Variants in TRPC1 observed in about 807,000 individuals in gnomAD.
TRPC1 encodes transient receptor potential cation channel subfamily C member 1, also known as short transient receptor potential channel 1.
TRPC1 carries 42 observed loss-of-function variants against 88.2 expected under a neutral mutation model. The observed-to-expected ratio is 0.48, with a 90% CI of 0.37 to 0.62. The LOEUF is 0.62. Ranked by LOEUF, TRPC1 falls within the 20% of genes least tolerant of loss-of-function variation. The pLI, the probability that TRPC1 is intolerant of heterozygous loss-of-function variation, is 0.00. For missense variants in TRPC1, 699 were observed against 957.3 expected, an observed-to-expected ratio of 0.73 and a Z score of 3.56; for synonymous variants, 288 against 331.8, an observed-to-expected ratio of 0.87 and a Z score of 1.43.
intron 2 of TRPC1, among the ~76,000 whole-genome samples, chr3:142,739,784 G>A (rs1306545400): frequency 6.6e-6 from 1 of 152,152 alleles, no homozygotes; most frequent in African/African-American, 2.4e-5. Context: ...AATAGTTTTT[G>A]TAGTAATCTA....
At chr3:142,763,971 TATATATATATATACACATACATACATAC>T (rs1167804057) in intron 4 of TRPC1, among the ~76,000 whole-genome samples, 2 of 67,604 alleles carry the variant, frequency 3.0e-5, no homozygotes, top group African/African-American at 2.7e-4. Flanking sequence ...TATATATATA[TATATATATATATACACATACATACATAC>T]ATATATATAT....
rs1560113614 is a variant in TRPC1, at chr3:142,784,791, A to G, written c.1048A>G (p.Lys350Glu). ...TTACCGACGCAAGCCCACCTGTAAG[A>G]AGATAATGACTGTTTTGACAGTAGG... ...SGYRRKPTCK[K>E]IMTVLTVGIF... Residue 350 changes from lysine to glutamate, a missense_variant, in exon 7 of 13, where the codon AAG becomes GAG. Physicochemically the swap from Lys to Glu is moderately conservative, Grantham distance 56 (BLOSUM62 1). Around this residue, in one of 4 missense-constraint regions of TRPC1, gnomAD observed 426 missense variants for 641.3 expected, o/e 0.66. Coordinates refer to ENST00000476941, the MANE Select transcript of TRPC1 (RefSeq NM_001251845.2). The G allele has an allele frequency of 1.2e-6, 2 of 1,614,058 alleles. No individual in the cohort carries two copies. The highest frequency in any genetic ancestry group is 1.7e-6 in the Non-Finnish European group (2 of 1,180,016).
chr3:142,743,439 C>G, intron 2 of TRPC1, 46 bp from the exon 3 acceptor site: 2 of 1,326,732 alleles, frequency 1.5e-6, no homozygotes, highest in Non-Finnish European at 2.0e-6. Context: ...AAGTAGTTTA[C>G]CTTTTTATCT....
intron 4 of TRPC1, among the ~76,000 whole-genome samples, chr3:142,760,717 G>A (rs1282602467): frequency 6.6e-6 from 1 of 152,044 alleles, no homozygotes; most frequent in Non-Finnish European, 1.5e-5. Flanking sequence ...CGTGAGCATG[G>A]AATACCTTTC....
At chr3:142,772,988 CTT>C (rs996188770) in intron 4 of TRPC1, among the ~76,000 whole-genome samples, 1 of 152,104 alleles carries the variant, frequency 6.6e-6, no homozygotes, top group African/African-American at 2.4e-5. Context: ...ACATTTCCCT[CTT>C]TTATAAAGAC....
chr3:142,790,045 G>A (rs942259250), intron 7 of TRPC1, among the ~76,000 whole-genome samples: 2 of 152,060 alleles, frequency 1.3e-5, no homozygotes, highest in African/African-American at 2.4e-5. Flanking sequence ...AATTGGGAGT[G>A]GGGGACAATT....
chr3:142,766,136 TAGTA>T (rs965267030), intron 4 of TRPC1, among the ~76,000 whole-genome samples: 4 of 152,220 alleles, frequency 2.6e-5, no homozygotes, highest in African/African-American at 9.6e-5. Context: ...TATCGCTTTA[TAGTA>T]AGTTTTAAAA....
At chr3:142,772,742 G>A (rs749356423) in intron 4 of TRPC1, among the ~76,000 whole-genome samples, 3 of 152,144 alleles carry the variant, frequency 2.0e-5, no homozygotes, top group Non-Finnish European at 2.9e-5. Flanking sequence ...AGCTGAGATC[G>A]TGCCACTGTA....
chr3:142,744,871 C>T (rs1308279536), intron 3 of TRPC1, among the ~76,000 whole-genome samples: 5 of 151,832 alleles, frequency 3.3e-5, no homozygotes, highest in African/African-American at 7.3e-5. Context: ...GTGACGATAC[C>T]GTGAAACAAG....
intron 7 of TRPC1, among the ~76,000 whole-genome samples, chr3:142,786,371 T>A (rs1004579898): frequency 6.6e-6 from 1 of 152,170 alleles, no homozygotes; most frequent in Admixed American, 6.5e-5. Flanking sequence ...TATTTTAGAA[T>A]GTTTATTTGA....
intron 4 of TRPC1, among the ~76,000 whole-genome samples, chr3:142,765,649 A>G (rs534515409): frequency 6.6e-6 from 1 of 152,302 alleles, no homozygotes; most frequent in East Asian, 1.9e-4. Flanking sequence ...CCTACCTATC[A>G]CCATATAAAA....
At chr3:142,800,204 CCTT>C (rs1936576235) in intron 9 of TRPC1, among the ~76,000 whole-genome samples, 1 of 152,286 alleles carries the variant, frequency 6.6e-6, no homozygotes, top group East Asian at 1.9e-4. Flanking sequence ...CATTTCTTCT[CCTT>C]CTTACATATT....
At chr3:142,788,257 G>T (rs1268995199) in intron 7 of TRPC1, among the ~76,000 whole-genome samples, 1 of 152,112 alleles carries the variant, frequency 6.6e-6, no homozygotes, top group Non-Finnish European at 1.5e-5. Flanking sequence ...GACCAATATC[G>T]ATGCTGTTGC....
At chr3:142,734,116 G>A (rs1432529767) in intron 1 of TRPC1, among the ~76,000 whole-genome samples, 1 of 152,154 alleles carries the variant, frequency 6.6e-6, no homozygotes, top group Non-Finnish European at 1.5e-5. Flanking sequence ...GTTATTGTGG[G>A]CTCTGAATAA....
At chr3:142,744,732 T>G (rs1934480269) in intron 3 of TRPC1, among the ~76,000 whole-genome samples, 2 of 152,152 alleles carry the variant, frequency 1.3e-5, no homozygotes, top group African/African-American at 4.8e-5. Context: ...ACTAACCAAA[T>G]TATGGATTTT....
chr3:142,748,353 T>TA lies in TRPC1; in HGVS notation c.526dup (p.Thr176AsnfsTer19), dbSNP rs1180654992. On this transcript the variant is annotated frameshift_variant, in exon 4 of 13. Transcript: ENST00000476941. LOFTEE classifies it high-confidence loss of function. The stretch of plus-strand genomic sequence containing the variant: ...CTCATCGTAACAACTATGAAATTCT[T>TA]ACAATGCTCTTAAAACAGGATGTAT... The TA allele has an allele frequency of 1.2e-6, 2 of 1,614,144 alleles. No homozygotes were observed. Among genetic ancestry groups the TA allele is most frequent in the South Asian group, 1.1e-5 (1 of 91,086 alleles).
At chr3:142,803,339 A>G (rs1261122987) in intron 10 of TRPC1, among the ~76,000 whole-genome samples, 1 of 152,200 alleles carries the variant, frequency 6.6e-6, no homozygotes, top group East Asian at 1.9e-4. Context: ...GTCCAGAGGT[A>G]GGAGCATGAC....
intron 2 of TRPC1, among the ~76,000 whole-genome samples, chr3:142,736,835 A>G (rs1360925430): frequency 6.6e-6 from 1 of 152,058 alleles, no homozygotes; most frequent in Non-Finnish European, 1.5e-5. Context: ...TTCATTACCT[A>G]TGTTAACACT....
intron 3 of TRPC1, 137 bp downstream of exon 3, chr3:142,743,723 T>C (rs1252197476): frequency 1.0e-5 from 5 of 498,930 alleles, no homozygotes; most frequent in Non-Finnish European, 1.7e-5. Flanking sequence ...TGTAAAATAT[T>C]AAAAGTGGAC....
Sources: allele counts gnomAD v4.1 joint callset (sites outside exome capture counted in the v4.1 genomes callset), GRCh38; gene constraint gnomAD v4.1.1; regional missense constraint gnomAD v4.1.1; transcripts MANE v1.5; gene names NCBI Gene and HGNC (gene_info 2026-07-23, HGNC 2026-07-21).